ASXL3: variants seen among roughly 807,000 people sequenced by gnomAD.
The protein encoded by ASXL3 is putative Polycomb group protein ASXL3.
Under a neutral mutation model 170.6 loss-of-function variants are expected in ASXL3, and 34 were observed. The ratio of observed to expected loss-of-function variants is 0.20; its 90% CI spans 0.15 to 0.27. The LOEUF is 0.27. Ranked by LOEUF, ASXL3 falls within the 10% of genes least tolerant of loss-of-function variation. The pLI is 1.00. For synonymous variants in ASXL3, 1,002 were observed against 989.1 expected, an observed-to-expected ratio of 1.01 and a Z score of -0.24; for missense variants, 2,592 against 2,695.3, an observed-to-expected ratio of 0.96 and a Z score of 0.85.
chr18:33,585,400 C>T (rs965110682), intron 1 of ASXL3, among the ~76,000 whole-genome samples: 2 of 152,088 alleles, frequency 1.3e-5, no homozygotes, highest in Non-Finnish European at 2.9e-5. Flanking sequence ...TGATTAACCA[C>T]GTTGTTTTCA....
chr18:33,588,629 T>C (rs1232930057), intron 1 of ASXL3, among the ~76,000 whole-genome samples: 1 of 152,100 alleles, frequency 6.6e-6, no homozygotes, highest in Middle Eastern at 3.2e-3. Flanking sequence ...TTGCACCCCA[T>C]GTTGAAGATT....
chr18:33,739,187 C>G lies in ASXL3; in HGVS notation c.1783C>G (p.Gln595Glu). 6.2e-7 allele frequency: 1 copy of G among 1,613,860 alleles called. No homozygotes were observed. The highest frequency in any genetic ancestry group is 8.5e-7 in the Non-Finnish European group (1 of 1,179,836). The part of the protein sequence containing the change: ...NEGIAIDMEL[Q>E]SDPEEQLSEN... ...AGGAATTGCTATAGATATGGAGCTA[C>G]AGAGTGACCCTGAAGAACAGCTTTC... The change falls in exon 11 of 12, where the codon CAG becomes GAG. Residue 595 changes from glutamine (Q) to glutamate (E), a missense_variant. Gln to Glu is a conservative substitution (Grantham distance 29). Around this residue, in one of 4 missense-constraint regions of ASXL3, gnomAD observed 2,246 missense variants for 2,219.6 expected, o/e 1.01. Transcript: ENST00000269197.
intron 7 of ASXL3, among the ~76,000 whole-genome samples, chr18:33,680,641 T>C (rs1163698428): frequency 1.3e-5 from 2 of 152,052 alleles, no homozygotes; most frequent in African/African-American, 2.4e-5. Context: ...TTTAAATGAA[T>C]GTAGGTTCAA....
intron 7 of ASXL3, among the ~76,000 whole-genome samples, chr18:33,679,131 C>T (rs1354963680): frequency 6.6e-6 from 1 of 152,146 alleles, no homozygotes; most frequent in African/African-American, 2.4e-5. Flanking sequence ...ATCAGAGTTA[C>T]TCTCAATAAA....
chr18:33,600,473 T>C (rs561333491), intron 1 of ASXL3, among the ~76,000 whole-genome samples: 2 of 151,954 alleles, frequency 1.3e-5, no homozygotes, highest in Non-Finnish European at 2.9e-5. Flanking sequence ...TGCCTGCAAA[T>C]TTCTGTAGTA....
At chr18:33,697,782 T>G (rs1348639668) in intron 8 of ASXL3, among the ~76,000 whole-genome samples, 1 of 152,032 alleles carries the variant, frequency 6.6e-6, no homozygotes, top group African/African-American at 2.4e-5. Flanking sequence ...GGGGAAAGGA[T>G]GACTTGAGCC....
chr18:33,619,232 A>T (rs1489989064), intron 2 of ASXL3, among the ~76,000 whole-genome samples: 1 of 152,118 alleles, frequency 6.6e-6, no homozygotes, highest in Non-Finnish European at 1.5e-5. Context: ...CTTTTTAAAC[A>T]TTTGTGGCCT....
chr18:33,584,294 A>C (rs1349638523), intron 1 of ASXL3, among the ~76,000 whole-genome samples: 1 of 152,082 alleles, frequency 6.6e-6, no homozygotes, highest in East Asian at 1.9e-4. Flanking sequence ...CAGAATTGAA[A>C]ATGTAATTGC....
intron 2 of ASXL3, chr18:33,614,747 T>TTG (rs532552540): frequency 1.1e-4 from 17 of 152,230 alleles, no homozygotes; most frequent in Admixed American, 5.2e-4. Flanking sequence ...GCAACATTAG[T>TTG]CTCTTTGTAC....
intron 2 of ASXL3, among the ~76,000 whole-genome samples, chr18:33,610,257 G>A (rs1268378950): frequency 1.3e-5 from 2 of 152,130 alleles, no homozygotes; most frequent in Non-Finnish European, 1.5e-5. Flanking sequence ...TCAAACATAA[G>A]CTGATTGATT....
At position 33,591,934 on chromosome 18, in the gene ASXL3, T is replaced by G. The variant is rs145177331; in HGVS notation, c.54+13249T>G. ...GGGATTACAGGCAACACTACTTATT[T>G]TTTTTTTTGGAATTCACTATTTTCT... On this transcript the variant is annotated intron_variant, in intron 1 of 11. Transcript: ENST00000269197. 5.1e-3 allele frequency among the ~76,000 whole-genome samples: 773 copies of G among 152,202 alleles called. 6 individuals are homozygous for G. The highest frequency in any genetic ancestry group is 0.017 in the African/African-American group (713 of 41,552).
At chr18:33,694,719 A>C (rs2066743830) in intron 8 of ASXL3, among the ~76,000 whole-genome samples, 1 of 152,198 alleles carries the variant, frequency 6.6e-6, no homozygotes, top group East Asian at 1.9e-4. Flanking sequence ...CTAGTCACTG[A>C]AGAGTAGGTA....
At chr18:33,587,664 C>T (rs753356485) in intron 1 of ASXL3, among the ~76,000 whole-genome samples, 1 of 151,854 alleles carries the variant, frequency 6.6e-6, no homozygotes, top group African/African-American at 2.4e-5. Flanking sequence ...TCCTGAAATC[C>T]TTACTATCCT....
intron 4 of ASXL3, among the ~76,000 whole-genome samples, chr18:33,660,281 T>C (rs548316034): frequency 6.6e-6 from 1 of 152,312 alleles, no homozygotes; most frequent in Admixed American, 6.5e-5. Flanking sequence ...ACTGTTATTT[T>C]ATTTTCCTAA....
rs1039935757 is a variant in ASXL3 at position 33,747,966 on chromosome 18, T to A, written c.*1371T>A. On this transcript the variant is annotated 3_prime_UTR_variant, in exon 12 of 12. Transcript: ENST00000269197. ...AGCCGTAGTTCAGGAGGCTCTGTTT[T>A]CAAAAGCAAGTTCAAAAGCACATGC... 6.6e-6 allele frequency: 1 copy of A among 152,162 alleles called. No individual in the cohort carries two copies. Among genetic ancestry groups the A allele is most frequent in the Non-Finnish European group, 1.5e-5 (1 of 68,042 alleles). 9.4% of individuals were successfully genotyped at this position (152,162 alleles called of 1,614,324 possible). A position where few individuals can be genotyped will look rare whatever the true frequency, so the allele number is the denominator to read the frequency against.
chr18:33,744,924 T>G lies in ASXL3; in HGVS notation c.5076T>G (p.Pro1692=), dbSNP rs372243775. The change falls in exon 12 of 12, where the codon CCT becomes CCG. Residue 1692 remains proline, a synonymous_variant. Coordinates refer to ENST00000269197, the MANE Select transcript of ASXL3 (RefSeq NM_030632.3). ...AAGACTTCCCTGGCCCTGAGCTGCCTCCTCCGGCTGCAGAGGGAGCCTCTA... is the reference window on the plus strand; with the variant it reads ...AAGACTTCCCTGGCCCTGAGCTGCCGCCTCCGGCTGCAGAGGGAGCCTCTA... The part of the protein sequence containing the change: ...DTEDFPGPEL[P]PPAAEGASSV... The G allele has an allele frequency of 3.7e-6, 6 of 1,613,946 alleles. No homozygotes were observed. Among genetic ancestry groups the G allele is most frequent in the Non-Finnish European group, 5.1e-6 (6 of 1,179,882 alleles).
At chr18:33,688,925 A>G (rs2066642925) in intron 8 of ASXL3, among the ~76,000 whole-genome samples, 1 of 152,220 alleles carries the variant, frequency 6.6e-6, no homozygotes, top group South Asian at 2.1e-4. Flanking sequence ...ATATTTGAGA[A>G]TAAGTTTGCA....
Position 33,744,689 on chromosome 18 carries a change from TGAG to T in ASXL3, c.4845_4847del (p.Arg1615del), listed in dbSNP as rs1342010185. The T allele has an allele frequency of 1.9e-6, 3 of 1,611,058 alleles. No homozygotes were observed. The highest frequency in any genetic ancestry group is 1.1e-5 in the South Asian group (1 of 90,532). ...CGGATTTGCTGGAATGATGATGGGATGAGGAGCACAGGACAGCCTCTGGTTACT... is the reference window on the plus strand; with the variant it reads ...CGGATTTGCTGGAATGATGATGGGATGAGCACAGGACAGCCTCTGGTTACT... On this transcript the variant is annotated inframe_deletion, in exon 12 of 12. Coordinates refer to ENST00000269197, the MANE Select transcript of ASXL3 (RefSeq NM_030632.3).
chr18:33,690,986 C>A (rs1235456667), intron 8 of ASXL3, among the ~76,000 whole-genome samples: 1 of 152,164 alleles, frequency 6.6e-6, no homozygotes, highest in Non-Finnish European at 1.5e-5. Context: ...TCTGTGATTC[C>A]CTCCTGGACT....
Sources: gnomAD v4.1 joint callset for allele counts (sites outside exome capture counted in the v4.1 genomes callset) on GRCh38, gnomAD v4.1.1 for gene constraint, gnomAD v4.1.1 regional missense constraint, MANE v1.5 for transcripts, NCBI Gene and HGNC (gene_info 2026-07-23, HGNC 2026-07-21) for gene names.